The following NBAS variants were observed in gnomAD, a reference collection of about 807,000 sequenced individuals.
NBAS encodes NBAS subunit of NRZ tethering complex, also known as NAG/BC035112 fusion.
A neutral mutation model predicts 302.5 loss-of-function variants in NBAS; 219 were observed. That is an observed-to-expected ratio of 0.72 (90% CI 0.65 to 0.81). The LOEUF (loss-of-function observed/expected upper bound fraction) is 0.81, where lower values mean the gene tolerates loss of function less well. Ranked by LOEUF, NBAS falls within the 30% of genes least tolerant of loss-of-function variation. The probability of loss-of-function intolerance (pLI) is 0.00; values close to 1 mark genes in which losing one functional copy is unlikely to be tolerated. For synonymous variants in NBAS, 1,118 were observed against 1,021.6 expected (o/e 1.09, Z -1.80); for missense variants, 2,932 against 2,841.6 (o/e 1.03, Z -0.72).
the NBAS span, among the ~76,000 whole-genome samples, chr2:14,781,194 T>G: frequency 1.3e-5 from 2 of 152,244 alleles, no homozygotes; most frequent in Non-Finnish European, 2.9e-5. Flanking sequence ...TTCCTTGGTA[T>G]TCCATGAGAT....
At chr2:14,816,760 G>A in the NBAS span, among the ~76,000 whole-genome samples, 1 of 152,116 alleles carries the variant, frequency 6.6e-6, no homozygotes, top group South Asian at 2.1e-4. Context: ...CTTCCCTACT[G>A]TACATTCTTT....
At chr2:14,919,947 G>T in the NBAS span, among the ~76,000 whole-genome samples, 1 of 152,108 alleles carries the variant, frequency 6.6e-6, no homozygotes, top group African/African-American at 2.4e-5. Context: ...TTGATATTTT[G>T]ACCTCCTCCC....
the NBAS span, among the ~76,000 whole-genome samples, chr2:14,895,422 G>GA: frequency 6.6e-6 from 1 of 152,118 alleles, no homozygotes; most frequent in Admixed American, 6.5e-5. Flanking sequence ...AACAAAAATA[G>GA]ACAAATGAGA....
At chr2:15,407,127 G>A (rs1238044368) in intron 25 of NBAS, among the ~76,000 whole-genome samples, 1 of 152,178 alleles carries the variant, frequency 6.6e-6, no homozygotes, top group African/African-American at 2.4e-5. Flanking sequence ...GGAATGGCAT[G>A]TATCCCAACA....
chr2:15,217,480 T>C (rs566670275), intron 48 of NBAS, among the ~76,000 whole-genome samples: 5 of 152,244 alleles, frequency 3.3e-5, no homozygotes, highest in Non-Finnish European at 7.3e-5. Context: ...TTTATTGTTC[T>C]TTAGATGTAG....
At chr2:14,857,089 T>C in the NBAS span, among the ~76,000 whole-genome samples, 1 of 152,134 alleles carries the variant, frequency 6.6e-6, no homozygotes, top group South Asian at 2.1e-4. Flanking sequence ...ACAGATAAAA[T>C]TAAATACCTA....
At chr2:14,847,119 C>T in the NBAS span, among the ~76,000 whole-genome samples, 2 of 152,112 alleles carry the variant, frequency 1.3e-5, no homozygotes, top group Non-Finnish European at 2.9e-5. Flanking sequence ...CATGGTGGCT[C>T]ACACCTGTAA....
At chr2:15,034,295 A>AGAAC in the NBAS span, among the ~76,000 whole-genome samples, 1 of 76,902 alleles carries the variant, frequency 1.3e-5, no homozygotes, top group African/African-American at 5.5e-5. Context: ...AAAGAAAGAA[A>AGAAC]GAAAGAAAGA....
At chr2:15,340,429 A>G (rs1451975234) in intron 35 of NBAS, among the ~76,000 whole-genome samples, 3 of 152,154 alleles carry the variant, frequency 2.0e-5, no homozygotes, top group Non-Finnish European at 4.4e-5. Context: ...AAAGAAGGTC[A>G]TTGTTTGGCA....
intron 38 of NBAS, among the ~76,000 whole-genome samples, chr2:15,316,719 A>C (rs961975377): frequency 2.6e-5 from 4 of 152,214 alleles, no homozygotes; most frequent in Non-Finnish European, 5.9e-5. Flanking sequence ...TAAAGTGGCC[A>C]GGAAGCGCGA....
chr2:14,989,546 A>G, the NBAS span, among the ~76,000 whole-genome samples: 1 of 152,090 alleles, frequency 6.6e-6, no homozygotes, highest in Non-Finnish European at 1.5e-5. Flanking sequence ...CGACAGAGTG[A>G]GACACCGTCT....
the NBAS span, among the ~76,000 whole-genome samples, chr2:14,935,537 G>A: frequency 2.0e-5 from 3 of 151,886 alleles, no homozygotes; most frequent in South Asian, 2.1e-4. Context: ...CCATGTAAAC[G>A]GTACTTATGA....
At chr2:15,193,864 A>G (rs551018791) in intron 48 of NBAS, among the ~76,000 whole-genome samples, 155 of 152,284 alleles carry the variant, frequency 1.0e-3, no homozygotes, top group African/African-American at 3.6e-3. Flanking sequence ...TCCTCTGCAA[A>G]GCACAACTAT....
intron 24 of NBAS, among the ~76,000 whole-genome samples, chr2:15,416,097 G>GAC (rs1676919714): frequency 6.6e-6 from 1 of 151,902 alleles, no homozygotes; most frequent in African/African-American, 2.4e-5. Context: ...GAGAGAGAGA[G>GAC]AGAGAGAGAG....
intron 16 of NBAS, among the ~76,000 whole-genome samples, chr2:15,469,883 T>C (rs1259445526): frequency 6.6e-6 from 1 of 151,512 alleles, no homozygotes. Context: ...ATATGCCTAA[T>C]GTAAATGACG....
chr2:14,873,052 G>T, the NBAS span, among the ~76,000 whole-genome samples: 1 of 152,184 alleles, frequency 6.6e-6, no homozygotes, highest in African/African-American at 2.4e-5. Flanking sequence ...CTCGGCAGGT[G>T]GCCGAGGCTA....
chr2:15,060,644 G>A, the NBAS span, among the ~76,000 whole-genome samples: 6,182 of 152,140 alleles, frequency 0.041, 291 homozygotes, highest in East Asian at 0.11. Flanking sequence ...ATGGGACTTC[G>A]AGTCGGGGAG....
At chr2:14,914,167 A>G in the NBAS span, among the ~76,000 whole-genome samples, 1 of 152,302 alleles carries the variant, frequency 6.6e-6, no homozygotes, top group African/African-American at 2.4e-5. Context: ...CCATGATTCA[A>G]TTATCTCCCA....
At chr2:15,155,006 C>T in the NBAS span, among the ~76,000 whole-genome samples, 2 of 152,206 alleles carry the variant, frequency 1.3e-5, no homozygotes, top group Non-Finnish European at 2.9e-5. Flanking sequence ...GTATAAAATA[C>T]TAGAGCACTA....
Sources: gnomAD v4.1 joint callset for allele counts (sites outside exome capture counted in the v4.1 genomes callset) on GRCh38, gnomAD v4.1.1 for gene constraint, MANE v1.5 for transcripts, NCBI Gene and HGNC (gene_info 2026-07-23, HGNC 2026-07-21) for gene names.